CSMD1: variants seen among roughly 807,000 people sequenced by gnomAD.
CSMD1 encodes the protein CUB and sushi domain-containing protein 1.
A neutral mutation model predicts 417.5 loss-of-function variants in CSMD1; 213 were observed. The ratio of observed to expected loss-of-function variants is 0.51; its 90% CI spans 0.46 to 0.57. CSMD1 has a LOEUF of 0.57. Among genes scored for constraint, CSMD1 ranks in the 20% least tolerant of loss-of-function variants. CSMD1 has a pLI of 0.00. For synonymous variants in CSMD1, 2,862 were observed against 1,736.8 expected, an observed-to-expected ratio of 1.65 and a Z score of -16.11; for missense variants, 6,923 against 4,529.7, an observed-to-expected ratio of 1.53 and a Z score of -15.17.
intron 5 of CSMD1, among the ~76,000 whole-genome samples, chr8:3,795,882 C>A (rs553792837): frequency 3.1e-5 from 2 of 64,662 alleles, no homozygotes; most frequent in Admixed American, 1.6e-4. Context: ...AGATATATAT[C>A]TATCATGTAC....
intron 4 of CSMD1, among the ~76,000 whole-genome samples, chr8:4,028,356 T>G (rs186298511): frequency 2.0e-5 from 3 of 152,258 alleles, no homozygotes; most frequent in East Asian, 1.9e-4. Context: ...AAGATTAAAT[T>G]TGCTAAAGTA....
intron 3 of CSMD1, among the ~76,000 whole-genome samples, chr8:4,251,325 T>C (rs918363948): frequency 6.6e-5 from 10 of 152,194 alleles, no homozygotes; most frequent in Non-Finnish European, 1.0e-4. Flanking sequence ...AGTATTTGCA[T>C]TATGCCACAT....
intron 41 of CSMD1, among the ~76,000 whole-genome samples, chr8:3,130,528 A>C (rs2129026106): frequency 6.6e-6 from 1 of 152,146 alleles, no homozygotes; most frequent in East Asian, 1.9e-4. Context: ...ATCACATTGC[A>C]CCTAGAAAAC....
intron 1 of CSMD1, among the ~76,000 whole-genome samples, chr8:4,861,245 C>A (rs1585226725): frequency 6.6e-6 from 1 of 152,122 alleles, no homozygotes; most frequent in Non-Finnish European, 1.5e-5. Flanking sequence ...TAATATATCT[C>A]TGCGGCTATA....
intron 25 of CSMD1, among the ~76,000 whole-genome samples, chr8:3,298,027 C>A (rs1291679391): frequency 6.6e-6 from 1 of 152,020 alleles, no homozygotes; most frequent in East Asian, 1.9e-4. Context: ...CAGGGAAATG[C>A]AAATAAAAAG....
At chr8:4,661,174 A>G (rs978648465) in intron 1 of CSMD1, among the ~76,000 whole-genome samples, 2 of 152,218 alleles carry the variant, frequency 1.3e-5, no homozygotes, top group African/African-American at 4.8e-5. Context: ...GAAATTTTAT[A>G]GCAGCGTTAT....
chr8:4,136,868 G>C (rs1647353), intron 3 of CSMD1, among the ~76,000 whole-genome samples: 93,257 of 152,104 alleles, frequency 0.61, 29,489 homozygotes, highest in East Asian at 0.7. Context: ...GATTATTTAC[G>C]AATTTCAGAG....
chr8:2,954,411 A>C, intron 64 of CSMD1, 143 bp from the exon 65 acceptor site: 1 of 534,376 alleles, frequency 1.9e-6, no homozygotes. Flanking sequence ...TATACATTTT[A>C]AACTCATGTC....
chr8:4,736,628 G>A (rs1177620007), intron 1 of CSMD1, among the ~76,000 whole-genome samples: 3 of 152,182 alleles, frequency 2.0e-5, no homozygotes, highest in South Asian at 2.1e-4. Context: ...GGGAAAGGCA[G>A]TGACACCTAA....
intron 12 of CSMD1, among the ~76,000 whole-genome samples, chr8:3,439,674 G>A (rs916355054): frequency 4.6e-5 from 7 of 151,800 alleles, no homozygotes; most frequent in African/African-American, 1.7e-4. Context: ...TCAATTATTT[G>A]GTAAATAATT....
intron 18 of CSMD1, among the ~76,000 whole-genome samples, chr8:3,380,797 G>A (rs1810581594): frequency 6.6e-6 from 1 of 152,024 alleles, no homozygotes; most frequent in Non-Finnish European, 1.5e-5. Context: ...TGTAGATGAT[G>A]GGTTGTTGGG....
intron 2 of CSMD1, among the ~76,000 whole-genome samples, chr8:4,531,619 G>C (rs190341756): frequency 2.5e-4 from 38 of 152,174 alleles, no homozygotes; most frequent in Non-Finnish European, 4.6e-4. Flanking sequence ...GCGCTCGTCA[G>C]GCCCTCATGG....
intron 62 of CSMD1, 50 bp from the exon 63 acceptor site, chr8:2,957,857 G>A: frequency 2.5e-6 from 3 of 1,222,572 alleles, no homozygotes; most frequent in Non-Finnish European, 3.5e-6. Flanking sequence ...AATATACGAA[G>A]TGTCAACTAG....
At chr8:3,737,657 C>T (rs1003123625) in intron 6 of CSMD1, among the ~76,000 whole-genome samples, 3 of 152,254 alleles carry the variant, frequency 2.0e-5, no homozygotes, top group African/African-American at 2.4e-5. Flanking sequence ...CCCCAACAAT[C>T]CACACTGACC....
intron 12 of CSMD1, among the ~76,000 whole-genome samples, chr8:3,421,030 A>C (rs185122138): frequency 6.6e-6 from 1 of 152,316 alleles, no homozygotes; most frequent in African/African-American, 2.4e-5. Flanking sequence ...AAGCTGTGTA[A>C]AGTTTTACTG....
At chr8:4,625,149 T>G (rs2130825583) in intron 2 of CSMD1, among the ~76,000 whole-genome samples, 1 of 152,028 alleles carries the variant, frequency 6.6e-6, no homozygotes. Flanking sequence ...CCAGGGAAAA[T>G]ACGAGGACGG....
chr8:4,296,848 T>C (rs1400489128), intron 3 of CSMD1, among the ~76,000 whole-genome samples: 1 of 152,106 alleles, frequency 6.6e-6, no homozygotes, highest in Non-Finnish European at 1.5e-5. Flanking sequence ...GGGCCTGCTA[T>C]CTCCCAGACT....
At chr8:4,260,703 T>C (rs1585116399) in intron 3 of CSMD1, among the ~76,000 whole-genome samples, 1 of 152,196 alleles carries the variant, frequency 6.6e-6, no homozygotes, top group South Asian at 2.1e-4. Flanking sequence ...TCCCATGTCG[T>C]TGGTTTATTA....
At chr8:4,855,803 G>A (rs1309865080) in intron 1 of CSMD1, among the ~76,000 whole-genome samples, 3 of 151,804 alleles carry the variant, frequency 2.0e-5, no homozygotes, top group South Asian at 4.2e-4. Context: ...GTACCTGAAA[G>A]TGATGGGGAG....
Sources: gnomAD v4.1 joint callset for allele counts (sites outside exome capture counted in the v4.1 genomes callset) on GRCh38, gnomAD v4.1.1 for gene constraint, MANE v1.5 for transcripts, NCBI Gene and HGNC (gene_info 2026-07-23, HGNC 2026-07-21) for gene names.